FBXL7: variants seen among roughly 807,000 people sequenced by gnomAD.
FBXL7 encodes F-box and leucine rich repeat protein 7.
A neutral mutation model predicts 38.3 loss-of-function variants in FBXL7; 12 were observed. That is an observed-to-expected ratio of 0.31 (90% CI 0.20 to 0.51). FBXL7 has a LOEUF of 0.51. FBXL7 is among the 20% of genes least tolerant of loss of function. FBXL7 has a pLI of 0.98. For synonymous variants in FBXL7, 297 were observed against 300.9 expected (o/e 0.99, Z 0.13); for missense variants, 567 against 676.4 (o/e 0.84, Z 1.79).
chr5:15,676,535 G>T (rs188450093), intron 2 of FBXL7, among the ~76,000 whole-genome samples: 33 of 152,200 alleles, frequency 2.2e-4, no homozygotes, highest in African/African-American at 7.7e-4. Flanking sequence ...TAACTTTCTG[G>T]TTCTTAGTGG....
intron 2 of FBXL7, among the ~76,000 whole-genome samples, chr5:15,868,077 G>A (rs543440105): frequency 4.0e-5 from 6 of 149,432 alleles, no homozygotes; most frequent in Admixed American, 1.3e-4. Context: ...GTACTCCAGC[G>A]TGGCGACAGA....
At chr5:15,798,661 A>G (rs115096785) in intron 2 of FBXL7, among the ~76,000 whole-genome samples, 3,005 of 152,348 alleles carry the variant, frequency 0.02, 107 homozygotes, top group African/African-American at 0.068. Context: ...TTTATGATCT[A>G]TATGAATATG....
At chr5:15,790,281 AC>A (rs1428745431) in intron 2 of FBXL7, among the ~76,000 whole-genome samples, 2 of 152,114 alleles carry the variant, frequency 1.3e-5, no homozygotes, top group African/African-American at 4.8e-5. Context: ...TCCTCTGAGC[AC>A]AGAATCTGGA....
At chr5:15,763,275 G>A (rs1736496655) in intron 2 of FBXL7, among the ~76,000 whole-genome samples, 1 of 152,178 alleles carries the variant, frequency 6.6e-6, no homozygotes, top group African/African-American at 2.4e-5. Context: ...TATCATCTAT[G>A]AAATAGGATG....
intron 2 of FBXL7, among the ~76,000 whole-genome samples, chr5:15,721,658 G>A (rs1035752600): frequency 2.0e-4 from 31 of 151,432 alleles, no homozygotes; most frequent in Non-Finnish European, 2.4e-4. Flanking sequence ...TTGAAATTAT[G>A]CCCTTCCTAC....
intron 2 of FBXL7, among the ~76,000 whole-genome samples, chr5:15,855,534 T>C (rs969487467): frequency 1.3e-5 from 2 of 152,156 alleles, no homozygotes; most frequent in African/African-American, 4.8e-5. Flanking sequence ...CTAAAATAAC[T>C]CTGATCGTAG....
intron 1 of FBXL7, among the ~76,000 whole-genome samples, chr5:15,535,185 T>C (rs368565267): frequency 7.9e-4 from 121 of 152,328 alleles, no homozygotes; most frequent in African/African-American, 2.6e-3. Context: ...CTTTTGTTTA[T>C]AAACTATCCA....
At chr5:15,591,899 A>G (rs1027009687) in intron 1 of FBXL7, among the ~76,000 whole-genome samples, 10 of 151,988 alleles carry the variant, frequency 6.6e-5, no homozygotes, top group Admixed American at 2.0e-4. Flanking sequence ...TTTAGTAGAG[A>G]TGGGGTTTCA....
At chr5:15,781,053 G>C (rs1736977044) in intron 2 of FBXL7, among the ~76,000 whole-genome samples, 1 of 152,194 alleles carries the variant, frequency 6.6e-6, no homozygotes, top group African/African-American at 2.4e-5. Context: ...ATGCAGTTGT[G>C]ACAGTGATTC....
intron 1 of FBXL7, among the ~76,000 whole-genome samples, chr5:15,551,837 G>A (rs1008938298): frequency 3.3e-5 from 5 of 152,094 alleles, no homozygotes; most frequent in South Asian, 2.1e-4. Context: ...GGAGAAGCTC[G>A]CAAGTCCAAT....
At chr5:15,609,600 A>C (rs2126507525) in intron 1 of FBXL7, among the ~76,000 whole-genome samples, 1 of 152,318 alleles carries the variant, frequency 6.6e-6, no homozygotes, top group South Asian at 2.1e-4. Context: ...GTTGCGGCTA[A>C]TAGAAGCATC....
At chr5:15,575,807 T>C (rs1311879075) in intron 1 of FBXL7, among the ~76,000 whole-genome samples, 2 of 152,258 alleles carry the variant, frequency 1.3e-5, no homozygotes, top group Admixed American at 6.5e-5. Flanking sequence ...TAGCTACTTA[T>C]TCCTTTTTGT....
At chr5:15,606,433 T>G (rs975237448) in intron 1 of FBXL7, among the ~76,000 whole-genome samples, 1 of 152,216 alleles carries the variant, frequency 6.6e-6, no homozygotes, top group Non-Finnish European at 1.5e-5. Context: ...TCATGGCTTA[T>G]AGCGATTTTA....
intron 1 of FBXL7, among the ~76,000 whole-genome samples, chr5:15,521,898 C>T (rs575900017): frequency 1.3e-5 from 2 of 152,176 alleles, no homozygotes; most frequent in South Asian, 2.1e-4. Flanking sequence ...TACATTTCTT[C>T]GTACTGAGCA....
rs371991372 is a variant in FBXL7, at chr5:15,800,926, TC to T, written c.128-126963del. Among the ~76,000 whole-genome samples the T allele has an allele frequency of 7.2e-4, 110 of 152,298 alleles. No individual in the cohort carries two copies. In the East Asian group the frequency reaches 0.017, roughly 24 times the overall value. ...TCCAGAGAAACAGAAACAATACAGT[TC>T]TGCTTGTATTACACACATAACCAAT... On this transcript the variant is annotated intron_variant, in intron 2 of 3. Transcript: ENST00000504595.
intron 2 of FBXL7, among the ~76,000 whole-genome samples, chr5:15,899,023 T>C (rs531939329): frequency 1.3e-5 from 2 of 152,158 alleles, no homozygotes; most frequent in Non-Finnish European, 2.9e-5. Context: ...CTATCAATCA[T>C]TATATATATA....
chr5:15,809,432 AGAG>A (rs1444738548), intron 2 of FBXL7, among the ~76,000 whole-genome samples: 1 of 152,220 alleles, frequency 6.6e-6, no homozygotes, highest in Non-Finnish European at 1.5e-5. Context: ...AAAAAGTAAG[AGAG>A]AAGACCAATA....
At chr5:15,759,625 C>T (rs1471336003) in intron 2 of FBXL7, among the ~76,000 whole-genome samples, 1 of 152,032 alleles carries the variant, frequency 6.6e-6, no homozygotes, top group African/African-American at 2.4e-5. Flanking sequence ...CTATTAAGAC[C>T]CACAATCATT....
chr5:15,696,453 T>A (rs1346792809), intron 2 of FBXL7, among the ~76,000 whole-genome samples: 1 of 152,222 alleles, frequency 6.6e-6, no homozygotes, highest in South Asian at 2.1e-4. Context: ...TTTTTTATTT[T>A]TTAATGTCTT....
Sources: allele counts gnomAD v4.1 joint callset (sites outside exome capture counted in the v4.1 genomes callset), GRCh38; gene constraint gnomAD v4.1.1; transcripts MANE v1.5; gene names NCBI Gene and HGNC (gene_info 2026-07-23, HGNC 2026-07-21).